TMEM132C: variants seen among roughly 807,000 people sequenced by gnomAD.
TMEM132C encodes protein phosphatase 1, regulatory subunit 152.
In TMEM132C, 29 loss-of-function variants were observed where a neutral mutation model predicts 61.4. The ratio of observed to expected loss-of-function variants is 0.47; its 90% confidence interval spans 0.35 to 0.64. The LOEUF (loss-of-function observed/expected upper bound fraction) is 0.64, where lower values mean the gene tolerates loss of function less well. Among genes scored for constraint, TMEM132C ranks in the 30% least tolerant of loss-of-function variants. TMEM132C has a pLI of 0.00. For missense variants in TMEM132C, 1,408 were observed against 1,476.9 expected (o/e 0.95, Z 0.76); for synonymous variants, 656 against 633.1 (o/e 1.04, Z -0.54).
intron 2 of TMEM132C, among the ~76,000 whole-genome samples, chr12:128,535,127 G>T (rs1169768146): frequency 6.6e-6 from 1 of 152,194 alleles, no homozygotes; most frequent in Non-Finnish European, 1.5e-5. Context: ...CGTCCCTCAA[G>T]CACGTCCTGG....
At chr12:128,447,467 A>G (rs1277850186) in intron 2 of TMEM132C, among the ~76,000 whole-genome samples, 3 of 152,226 alleles carry the variant, frequency 2.0e-5, no homozygotes, top group African/African-American at 7.2e-5. Flanking sequence ...CTTGATTAGT[A>G]TATAAGGAAG....
chr12:128,528,088 G>A (rs142556120), intron 2 of TMEM132C, among the ~76,000 whole-genome samples: 25 of 152,284 alleles, frequency 1.6e-4, no homozygotes, highest in African/African-American at 5.1e-4. Context: ...TCGTTGTTAC[G>A]ATTGGACATA....
intron 1 of TMEM132C, among the ~76,000 whole-genome samples, chr12:128,351,519 A>G (rs1049576027): frequency 6.6e-6 from 1 of 152,194 alleles, no homozygotes; most frequent in Non-Finnish European, 1.5e-5. Flanking sequence ...GGTAATTTAT[A>G]AAGACAAGAA....
intron 1 of TMEM132C, among the ~76,000 whole-genome samples, chr12:128,381,878 C>G (rs1056409458): frequency 2.0e-5 from 3 of 152,134 alleles, no homozygotes; most frequent in African/African-American, 7.2e-5. Flanking sequence ...CTAGCAACCT[C>G]TTAAGAGGAA....
chr12:128,490,714 T>C (rs910198462), intron 2 of TMEM132C, among the ~76,000 whole-genome samples: 1 of 152,138 alleles, frequency 6.6e-6, no homozygotes, highest in African/African-American at 2.4e-5. Context: ...TGATGGTCAA[T>C]CAGGGGAATA....
intron 1 of TMEM132C, among the ~76,000 whole-genome samples, chr12:128,322,563 A>G (rs1321546856): frequency 6.6e-6 from 1 of 152,232 alleles, no homozygotes; most frequent in Admixed American, 6.5e-5. Flanking sequence ...ACATATGGCT[A>G]CGCCATGGGG....
At chr12:128,437,826 C>A (rs1869652160) in intron 2 of TMEM132C, 1 of 152,216 alleles carries the variant, frequency 6.6e-6, no homozygotes, top group Admixed American at 6.5e-5. Context: ...TCTTGGCAAT[C>A]TGTTTCTGAT....
At chr12:128,402,665 G>A (rs1016301082) in intron 1 of TMEM132C, among the ~76,000 whole-genome samples, 4 of 152,196 alleles carry the variant, frequency 2.6e-5, no homozygotes, top group Admixed American at 6.5e-5. Flanking sequence ...GGTGGTCAGC[G>A]GGGGAGGGCA....
In TMEM132C at chr12:128,391,524, C is replaced by T. The variant is rs575192667; in HGVS notation, c.86-23208C>T. ...GTAGCCCTGGTCTGTGTGCTAGACA[C>T]GGTGAGGGAACCATCCTAGTTAGCA... On this transcript the variant is annotated intron_variant, in intron 1 of 8. Transcript: ENST00000435159. Among the ~76,000 whole-genome samples, 59 of 152,340 alleles carry T rather than the reference C, an allele frequency of 3.9e-4. No homozygotes were observed. In the Middle Eastern group the frequency reaches 0.014, roughly 35 times the overall value.
At chr12:128,548,049 G>A (rs1344713507) in intron 3 of TMEM132C, among the ~76,000 whole-genome samples, 2 of 152,164 alleles carry the variant, frequency 1.3e-5, no homozygotes, top group East Asian at 1.9e-4. Context: ...AGGAGATGAT[G>A]GTAGCTGATC....
rs143679878 is a variant in TMEM132C, at chr12:128,546,448, G to A, written c.1121+2345G>A. ...CGAGGGAGATGAGCCTCATAGTGTC[G>A]AGTCCTGAAGGGCTCCTGTGGCCAC... is the stretch of plus-strand genomic sequence containing the variant. On this transcript the variant is annotated intron_variant, in intron 3 of 8. Transcript: ENST00000435159. 3.5e-3 allele frequency among the ~76,000 whole-genome samples: 540 copies of A among 152,200 alleles called. 2 individuals carry two copies. The highest frequency in any genetic ancestry group is 6.5e-3 in the Non-Finnish European group (440 of 68,006).
At chr12:128,382,409 A>AT (rs1874429910) in intron 1 of TMEM132C, among the ~76,000 whole-genome samples, 1 of 152,218 alleles carries the variant, frequency 6.6e-6, no homozygotes, top group African/African-American at 2.4e-5. Context: ...TTCTGCAATA[A>AT]TGGGAATGTC....
chr12:128,292,048 C>T (rs925612084), intron 1 of TMEM132C, among the ~76,000 whole-genome samples: 3 of 152,194 alleles, frequency 2.0e-5, no homozygotes, highest in Admixed American at 6.5e-5. Flanking sequence ...GCCCTCCTGT[C>T]GCTGGTATCT....
chr12:128,643,578 T>C (rs1028286381), intron 4 of TMEM132C, among the ~76,000 whole-genome samples: 1 of 152,036 alleles, frequency 6.6e-6, no homozygotes, highest in African/African-American at 2.4e-5. Context: ...ATTCGGACAC[T>C]GTATTTGCTG....
rs760098079 is a variant in TMEM132C at position 128,377,638 on chromosome 12, A to G, written c.86-37094A>G. Among the ~76,000 whole-genome samples the G allele has an allele frequency of 2.6e-5, 4 of 152,198 alleles. 1 individual carries two copies. The South Asian group carries it at 6.2e-4, about 24-fold the overall frequency. ...TTATTTTGGTGAGATGAATTCATATATGTGTATATAGGTGTGTGTCCTGAT... is the reference window on the plus strand; with the variant it reads ...TTATTTTGGTGAGATGAATTCATATGTGTGTATATAGGTGTGTGTCCTGAT... On this transcript the variant is annotated intron_variant, in intron 1 of 8. Transcript: ENST00000435159.
intron 1 of TMEM132C, among the ~76,000 whole-genome samples, chr12:128,381,925 A>T (rs1248484072): frequency 1.3e-5 from 2 of 152,200 alleles, no homozygotes; most frequent in African/African-American, 4.8e-5. Context: ...ACAACCCCGC[A>T]AAGGGGAAAC....
intron 2 of TMEM132C, among the ~76,000 whole-genome samples, chr12:128,433,366 C>G (rs1362837773): frequency 6.6e-6 from 1 of 152,190 alleles, no homozygotes; most frequent in Non-Finnish European, 1.5e-5. Flanking sequence ...TGCTTTACTT[C>G]TGTGTCTTTC....
At chr12:128,500,690 C>T (rs981372589) in intron 2 of TMEM132C, among the ~76,000 whole-genome samples, 12 of 152,160 alleles carry the variant, frequency 7.9e-5, no homozygotes, top group East Asian at 5.8e-4. Context: ...AGACCACAGA[C>T]GTTGGGAAGA....
At chr12:128,548,457 G>A (rs181144683) in intron 3 of TMEM132C, among the ~76,000 whole-genome samples, 7 of 152,266 alleles carry the variant, frequency 4.6e-5, no homozygotes, top group African/African-American at 7.2e-5. Context: ...AACTGGCTAC[G>A]TGGTTTGTGA....
Sources: gnomAD v4.1 joint callset for allele counts (sites outside exome capture counted in the v4.1 genomes callset) on GRCh38, gnomAD v4.1.1 for gene constraint, MANE v1.5 for transcripts, NCBI Gene and HGNC (gene_info 2026-07-23, HGNC 2026-07-21) for gene names.